The following CDH13 variants were observed in gnomAD, a reference collection of about 807,000 sequenced individuals.
CDH13 encodes the protein cadherin 13.
A neutral mutation model predicts 63.8 loss-of-function variants in CDH13; 24 were observed. That is an observed-to-expected ratio of 0.38 (90% confidence interval 0.27 to 0.53). The LOEUF is 0.53. Ranked by LOEUF, CDH13 falls within the 20% of genes least tolerant of loss-of-function variation. The probability of loss-of-function intolerance (pLI) is 0.85; values close to 1 mark genes in which losing one functional copy is unlikely to be tolerated. For missense variants in CDH13, 1,049 were observed against 903.1 expected, an observed-to-expected ratio of 1.16 and a Z score of -2.07; for synonymous variants, 503 against 355.3, an observed-to-expected ratio of 1.42 and a Z score of -4.67.
intron 8 of CDH13, among the ~76,000 whole-genome samples, chr16:83,633,824 A>G (rs1296237893): frequency 6.6e-6 from 1 of 152,188 alleles, no homozygotes; most frequent in Non-Finnish European, 1.5e-5. Context: ...CATCATAAAC[A>G]AGGTATCCCC....
At chr16:82,946,713 T>A (rs1904758359) in intron 2 of CDH13, among the ~76,000 whole-genome samples, 1 of 144,814 alleles carries the variant, frequency 6.9e-6, no homozygotes. Context: ...AGAATGAAAC[T>A]CTGTCTCAAA....
At chr16:83,622,784 C>A (rs1329067431) in intron 8 of CDH13, among the ~76,000 whole-genome samples, 1 of 152,224 alleles carries the variant, frequency 6.6e-6, no homozygotes, top group Non-Finnish European at 1.5e-5. Context: ...TCACCAGTCT[C>A]TGTGAATTTG....
chr16:82,712,324 C>G (rs1020597740), intron 1 of CDH13, among the ~76,000 whole-genome samples: 10 of 152,054 alleles, frequency 6.6e-5, no homozygotes, highest in African/African-American at 2.4e-4. Context: ...CACTTTGAAG[C>G]ACAAACCTCC....
intron 5 of CDH13, among the ~76,000 whole-genome samples, chr16:83,274,155 C>G (rs2088911885): frequency 6.6e-6 from 1 of 152,198 alleles, no homozygotes; most frequent in Non-Finnish European, 1.5e-5. Context: ...AAGGAAAGAC[C>G]AGTGAAGTCT....
chr16:83,062,852 G>A (rs1247352825), intron 3 of CDH13, among the ~76,000 whole-genome samples: 1 of 152,084 alleles, frequency 6.6e-6, no homozygotes. Context: ...ATCCAAGAAA[G>A]CTTCACTCAT....
chr16:82,687,425 A>G (rs1915190472), intron 1 of CDH13, among the ~76,000 whole-genome samples: 1 of 152,150 alleles, frequency 6.6e-6, no homozygotes, highest in South Asian at 2.1e-4. Flanking sequence ...AGGGTAGTTA[A>G]TAAAGGCAAG....
intron 2 of CDH13, among the ~76,000 whole-genome samples, chr16:82,995,194 T>C (rs570390030): frequency 8.5e-5 from 13 of 152,266 alleles, no homozygotes; most frequent in African/African-American, 2.9e-4. Flanking sequence ...GGGGAAACAT[T>C]TATTCAACTC....
intron 2 of CDH13, among the ~76,000 whole-genome samples, chr16:82,951,295 T>C (rs1905265724): frequency 6.6e-6 from 1 of 152,208 alleles, no homozygotes; most frequent in African/African-American, 2.4e-5. Flanking sequence ...GCCTGTGCTC[T>C]CAAAGAAGAA....
chr16:83,298,648 GAAAACCTTCA>G (rs2089659820), intron 5 of CDH13, among the ~76,000 whole-genome samples: 1 of 152,152 alleles, frequency 6.6e-6, no homozygotes, highest in African/African-American at 2.4e-5. Flanking sequence ...GATTTCCTTA[GAAAACCTTCA>G]AAACAGCAGT....
chr16:83,258,724 G>A (rs1490903450), intron 5 of CDH13, among the ~76,000 whole-genome samples: 2 of 152,206 alleles, frequency 1.3e-5, no homozygotes, highest in East Asian at 1.9e-4. Flanking sequence ...CAACAGGGGT[G>A]TTTGTATGTG....
chr16:83,691,632 A>G (rs1469998620), intron 10 of CDH13, among the ~76,000 whole-genome samples: 1 of 152,082 alleles, frequency 6.6e-6, no homozygotes, highest in Non-Finnish European at 1.5e-5. Context: ...ACAGTTCCGT[A>G]CAACGGTGCT....
chr16:82,917,914 C>CAAAAAAAAAA (rs34766700), intron 2 of CDH13, among the ~76,000 whole-genome samples: 1,407 of 45,746 alleles, frequency 0.031, 85 homozygotes, highest in African/African-American at 0.087. Flanking sequence ...GACTCCATGT[C>CAAAAAAAAAA]AAAAAAAAAA....
chr16:82,994,589 C>G (rs1912005233), intron 2 of CDH13, among the ~76,000 whole-genome samples: 1 of 152,192 alleles, frequency 6.6e-6, no homozygotes, highest in East Asian at 1.9e-4. Flanking sequence ...ATATACTGAA[C>G]AAATTGCACT....
intron 10 of CDH13, among the ~76,000 whole-genome samples, chr16:83,686,769 GA>G (rs1464263722): frequency 2.6e-5 from 4 of 152,088 alleles, no homozygotes; most frequent in African/African-American, 9.7e-5. Context: ...CAAAGACAGA[GA>G]AAAATTTTTA....
chr16:82,792,351 A>G (rs2036353090), intron 1 of CDH13, among the ~76,000 whole-genome samples: 1 of 152,078 alleles, frequency 6.6e-6, no homozygotes, highest in South Asian at 2.1e-4. Context: ...CTAGCCTACT[A>G]TTTGATATTT....
At chr16:83,022,959 T>G (rs539935555) in intron 2 of CDH13, 34 of 152,364 alleles carry the variant, frequency 2.2e-4, no homozygotes, top group African/African-American at 7.9e-4. Flanking sequence ...CATCTGCATT[T>G]CATTTTTTCT....
At chr16:83,738,480 C>G (rs1208593800) in intron 10 of CDH13, among the ~76,000 whole-genome samples, 2 of 152,218 alleles carry the variant, frequency 1.3e-5, no homozygotes, top group Non-Finnish European at 2.9e-5. Flanking sequence ...GCAATTAACA[C>G]AGAGGACCAA....
In CDH13 at chr16:82,949,379, G is replaced by C. The variant is rs1318254581; in HGVS notation, c.158-82631G>C. Among the ~76,000 whole-genome samples the C allele has an allele frequency of 1.3e-5, 2 of 152,094 alleles. 1 individual carries two copies. Among genetic ancestry groups the C allele is most frequent in the Middle Eastern group, 6.3e-3 (2 of 316 alleles). On this transcript the variant is annotated intron_variant, in intron 2 of 13. Coordinates refer to ENST00000567109, the MANE Select transcript of CDH13 (RefSeq NM_001257.5). ...TCTTATATGGACCCCACGCATACTGGAATAGGTCCACTCTAACGGCTTCCT... is the reference window on the plus strand; with the variant it reads ...TCTTATATGGACCCCACGCATACTGCAATAGGTCCACTCTAACGGCTTCCT...
At chr16:82,906,229 G>A (rs903296077) in intron 2 of CDH13, among the ~76,000 whole-genome samples, 1 of 152,144 alleles carries the variant, frequency 6.6e-6, no homozygotes, top group African/African-American at 2.4e-5. Context: ...ATGTTCAGGA[G>A]CCCTTTACTA....
Sources: gnomAD v4.1 joint callset for allele counts (sites outside exome capture counted in the v4.1 genomes callset) on GRCh38, gnomAD v4.1.1 for gene constraint, MANE v1.5 for transcripts, NCBI Gene and HGNC (gene_info 2026-07-23, HGNC 2026-07-21) for gene names.